TBL1XR1: variants seen among roughly 807,000 people sequenced by gnomAD.
TBL1XR1 encodes F-box-like/WD repeat-containing protein TBL1XR1.
Under a neutral mutation model 66.9 loss-of-function variants are expected in TBL1XR1, and 5 were observed. The observed-to-expected ratio is 0.07, with a 90% CI of 0.04 to 0.16. The LOEUF is 0.16. Ranked by LOEUF, TBL1XR1 falls within the 10% of genes least tolerant of loss-of-function variation. TBL1XR1 has a pLI of 1.00. For missense variants in TBL1XR1, 238 were observed against 623.2 expected (o/e 0.38, Z 6.58); for synonymous variants, 210 against 206.0 (o/e 1.02, Z -0.17).
At chr3:177,027,034 T>C (rs906555538) in intron 14 of TBL1XR1, 1 of 152,460 alleles carries the variant, frequency 6.6e-6, no homozygotes. Flanking sequence ...GGTCTTGTTG[T>C]TACCCAGGAT....
chr3:177,140,481 T>C (rs1729508623), intron 1 of TBL1XR1, among the ~76,000 whole-genome samples: 2 of 152,166 alleles, frequency 1.3e-5, no homozygotes, highest in African/African-American at 4.8e-5. Flanking sequence ...AGCACTGCTG[T>C]CAAGTCAGAT....
At chr3:177,086,982 T>C (rs1210632751) in intron 2 of TBL1XR1, 1 of 148,670 alleles carries the variant, frequency 6.7e-6, no homozygotes, top group African/African-American at 2.5e-5. Context: ...TAAATGGAAG[T>C]GAATCATCCT....
chr3:177,089,199 G>GT (rs1442668331), intron 2 of TBL1XR1, among the ~76,000 whole-genome samples: 1 of 152,174 alleles, frequency 6.6e-6, no homozygotes, highest in Non-Finnish European at 1.5e-5. Context: ...ACTGAGAAAT[G>GT]TACCTGTCAG....
intron 1 of TBL1XR1, among the ~76,000 whole-genome samples, chr3:177,167,797 G>A (rs891763617): frequency 4.6e-5 from 7 of 152,224 alleles, no homozygotes; most frequent in African/African-American, 1.4e-4. Context: ...CAGGCGTAGT[G>A]GTATATGCCT....
chr3:177,148,404 T>A (rs192906796), intron 1 of TBL1XR1, among the ~76,000 whole-genome samples: 1 of 152,344 alleles, frequency 6.6e-6, no homozygotes, highest in African/African-American at 2.4e-5. Context: ...GCTAAAGACA[T>A]GGCATACTCT....
At chr3:177,059,608 A>T (rs1718253058) in intron 3 of TBL1XR1, among the ~76,000 whole-genome samples, 1 of 152,102 alleles carries the variant, frequency 6.6e-6, no homozygotes, top group South Asian at 2.1e-4. Context: ...AGGGGGAAAA[A>T]ATGGAGGGAG....
At chr3:177,037,262 T>TA (rs1172796031) in intron 12 of TBL1XR1, 2 of 149,800 alleles carry the variant, frequency 1.3e-5, no homozygotes, top group Non-Finnish European at 3.0e-5. Context: ...CATATGCAAA[T>TA]AAACTTTAAT....
intron 2 of TBL1XR1, among the ~76,000 whole-genome samples, chr3:177,069,805 G>GAAGGA (rs1560139055): frequency 4.3e-4 from 49 of 113,852 alleles, no homozygotes; most frequent in African/African-American, 9.2e-4. Flanking sequence ...AGGAAGGAAG[G>GAAGGA]AAGGAAGGAA....
At chr3:177,158,884 CAAG>C (rs1189202848) in intron 1 of TBL1XR1, among the ~76,000 whole-genome samples, 3 of 151,972 alleles carry the variant, frequency 2.0e-5, no homozygotes, top group African/African-American at 7.3e-5. Flanking sequence ...CAATATAAAT[CAAG>C]AAGAGAAACA....
At chr3:177,044,088 T>C (rs1314765444) in intron 10 of TBL1XR1, among the ~76,000 whole-genome samples, 2 of 152,186 alleles carry the variant, frequency 1.3e-5, no homozygotes, top group Non-Finnish European at 2.9e-5. Context: ...GGATAGATTC[T>C]ATGCTGCCTC....
At chr3:177,045,026 C>A (rs184690052) in intron 10 of TBL1XR1, 1 of 152,200 alleles carries the variant, frequency 6.6e-6, no homozygotes, top group East Asian at 1.9e-4. Flanking sequence ...AAGTGGTGAG[C>A]TTTAATCAAG....
chr3:177,077,150 A>T (rs1720794570), intron 2 of TBL1XR1, among the ~76,000 whole-genome samples: 2 of 152,244 alleles, frequency 1.3e-5, no homozygotes, highest in Non-Finnish European at 2.9e-5. Flanking sequence ...ACTAACAAAG[A>T]ACACTAACAC....
At chr3:177,134,688 T>C (rs1313359191) in intron 1 of TBL1XR1, among the ~76,000 whole-genome samples, 1 of 152,130 alleles carries the variant, frequency 6.6e-6, no homozygotes, top group Non-Finnish European at 1.5e-5. Flanking sequence ...AAATACGGAA[T>C]ACATCTGTAA....
intron 3 of TBL1XR1, among the ~76,000 whole-genome samples, chr3:177,056,686 AC>A (rs1411761350): frequency 6.6e-6 from 1 of 152,062 alleles, no homozygotes; most frequent in Non-Finnish European, 1.5e-5. Flanking sequence ...CCCTAAAACT[AC>A]TTTTCCTTAG....
chr3:177,177,734 T>C (rs1734327145), intron 1 of TBL1XR1, among the ~76,000 whole-genome samples: 1 of 152,196 alleles, frequency 6.6e-6, no homozygotes, highest in African/African-American at 2.4e-5. Flanking sequence ...CAGCTAATCA[T>C]GAAAACATAC....
In TBL1XR1 at chr3:177,073,161, G is replaced by C. The variant is rs1020690003; in HGVS notation, c.-45-8139C>G. 3.3e-5 allele frequency among the ~76,000 whole-genome samples: 5 copies of C among 152,224 alleles called. 2 individuals carry two copies. The highest frequency in any genetic ancestry group is 1.2e-4 in the African/African-American group (5 of 41,548). On this transcript the variant is annotated intron_variant, in intron 2 of 15. Coordinates refer to ENST00000457928, the MANE Select transcript of TBL1XR1 (RefSeq NM_024665.7). Reference sequence around the variant, plus strand: ...ATAACTATAACCCACATAAACAAAAGCTCTTTGAGATCATCAATAAATTAA... The same window carrying C: ...ATAACTATAACCCACATAAACAAAACCTCTTTGAGATCATCAATAAATTAA...
At chr3:177,043,778 AT>A (rs1715941729) in intron 10 of TBL1XR1, among the ~76,000 whole-genome samples, 3 of 151,558 alleles carry the variant, frequency 2.0e-5, no homozygotes, top group Admixed American at 2.0e-4. Context: ...TTCTACCTTC[AT>A]TTGGATTAAT....
intron 1 of TBL1XR1, among the ~76,000 whole-genome samples, chr3:177,167,038 C>T (rs371887192): frequency 5.3e-5 from 8 of 152,154 alleles, no homozygotes; most frequent in African/African-American, 1.4e-4. Flanking sequence ...ACACAAAAAC[C>T]GGTACGTGGA....
chr3:177,100,562 C>G (rs1001991305), intron 1 of TBL1XR1, among the ~76,000 whole-genome samples: 2 of 151,936 alleles, frequency 1.3e-5, no homozygotes, highest in Non-Finnish European at 2.9e-5. Context: ...GTAGCTGGCA[C>G]TACAGGTACA....
Sources: gnomAD v4.1 joint callset for allele counts (sites outside exome capture counted in the v4.1 genomes callset) on GRCh38, gnomAD v4.1.1 for gene constraint, MANE v1.5 for transcripts, NCBI Gene and HGNC (gene_info 2026-07-23, HGNC 2026-07-21) for gene names.